TSPAN5: variants seen among roughly 807,000 people sequenced by gnomAD.
TSPAN5 encodes the protein tetraspanin 5, also known as tetraspanin-5.
Under a neutral mutation model 37.1 loss-of-function variants are expected in TSPAN5, and 10 were observed. That is an observed-to-expected ratio of 0.27 (90% CI 0.17 to 0.46). The LOEUF is 0.46. TSPAN5 is among the 20% of genes least tolerant of loss of function. The pLI, the probability that TSPAN5 is intolerant of heterozygous loss-of-function variation, is 1.00. For missense variants in TSPAN5, 195 were observed against 326.6 expected, an observed-to-expected ratio of 0.60 and a Z score of 3.11; for synonymous variants, 110 against 118.9, an observed-to-expected ratio of 0.93 and a Z score of 0.48.
chr4:98,503,934 T>C (rs1278288245), intron 2 of TSPAN5, among the ~76,000 whole-genome samples: 2 of 152,220 alleles, frequency 1.3e-5, no homozygotes, highest in Admixed American at 1.3e-4. Flanking sequence ...TCTGAACAAT[T>C]GCACATAAAT....
At chr4:98,648,888 C>T (rs183796684) in intron 1 of TSPAN5, among the ~76,000 whole-genome samples, 5 of 152,256 alleles carry the variant, frequency 3.3e-5, no homozygotes, top group Non-Finnish European at 2.9e-5. Flanking sequence ...TTCCAGGACC[C>T]CATCCTGGAT....
chr4:98,490,727 A>C (rs1382193259), intron 2 of TSPAN5, among the ~76,000 whole-genome samples: 1 of 152,182 alleles, frequency 6.6e-6, no homozygotes, highest in Non-Finnish European at 1.5e-5. Flanking sequence ...TACTTATTTA[A>C]AATTATTTTA....
At chr4:98,499,714 G>A (rs10002962) in intron 2 of TSPAN5, among the ~76,000 whole-genome samples, 2,974 of 139,250 alleles carry the variant, frequency 0.021, 94 homozygotes, top group African/African-American at 0.078. Flanking sequence ...AGGCTGGAGT[G>A]CAGTGGCGTG....
chr4:98,637,264 T>C lies in TSPAN5; in HGVS notation c.81+20882A>G, dbSNP rs1318319236. Among the ~76,000 whole-genome samples, 4 of 152,286 alleles carry C rather than the reference T, an allele frequency of 2.6e-5. No homozygotes were observed. In the South Asian group the frequency reaches 8.3e-4, roughly 32 times the overall value. On this transcript the variant is annotated intron_variant, in intron 1 of 7. Transcript: ENST00000305798. ...CAACTCCAGGGAGCATCACGCACAT[T>C]CCAGGGAATTGTGCAGTTCGCCTCC...
intron 1 of TSPAN5, among the ~76,000 whole-genome samples, chr4:98,516,867 C>A (rs1054501376): frequency 6.6e-6 from 1 of 152,152 alleles, no homozygotes; most frequent in Non-Finnish European, 1.5e-5. Context: ...CCTCTTTGCA[C>A]GTGTCTGTCT....
chr4:98,475,933 T>C (rs1752684499), intron 7 of TSPAN5, among the ~76,000 whole-genome samples: 1 of 151,948 alleles, frequency 6.6e-6, no homozygotes, highest in South Asian at 2.1e-4. Flanking sequence ...GAGCTTTCAG[T>C]GAGCCAAGAT....
chr4:98,515,529 C>G (rs1753708982), intron 1 of TSPAN5, among the ~76,000 whole-genome samples: 1 of 152,154 alleles, frequency 6.6e-6, no homozygotes, highest in Non-Finnish European at 1.5e-5. Flanking sequence ...CTCTCTCTCT[C>G]TCTCTCCCTC....
At chr4:98,503,715 AC>A (rs1753409179) in intron 2 of TSPAN5, among the ~76,000 whole-genome samples, 1 of 152,238 alleles carries the variant, frequency 6.6e-6, no homozygotes, top group South Asian at 2.1e-4. Flanking sequence ...CACCCTTCCT[AC>A]AACTGGATAA....
intron 5 of TSPAN5, among the ~76,000 whole-genome samples, chr4:98,477,198 G>A (rs886611879): frequency 6.6e-6 from 1 of 152,248 alleles, no homozygotes; most frequent in Non-Finnish European, 1.5e-5. Context: ...TGCGGCACCC[G>A]CTGGCCAGTG....
chr4:98,538,273 GC>G (rs1754281119), intron 1 of TSPAN5, among the ~76,000 whole-genome samples: 1 of 152,230 alleles, frequency 6.6e-6, no homozygotes, highest in Non-Finnish European at 1.5e-5. Flanking sequence ...TTACTTTGTG[GC>G]TGTTCTGCCT....
intron 1 of TSPAN5, among the ~76,000 whole-genome samples, chr4:98,570,774 C>T (rs540031077): frequency 2.0e-5 from 3 of 152,188 alleles, no homozygotes; most frequent in African/African-American, 2.4e-5. Flanking sequence ...ACCAGGTAAA[C>T]GCTCTCCCAT....
At chr4:98,570,571 T>C (rs2110181152) in intron 1 of TSPAN5, among the ~76,000 whole-genome samples, 1 of 152,164 alleles carries the variant, frequency 6.6e-6, no homozygotes, top group East Asian at 1.9e-4. Flanking sequence ...TGACTGCAAA[T>C]TTCAGCACTT....
intron 1 of TSPAN5, among the ~76,000 whole-genome samples, chr4:98,649,169 C>T (rs980159695): frequency 6.6e-6 from 1 of 151,998 alleles, no homozygotes; most frequent in Non-Finnish European, 1.5e-5. Flanking sequence ...GGTGGGACCC[C>T]TTTTTTCAAG....
intron 2 of TSPAN5, among the ~76,000 whole-genome samples, chr4:98,492,821 C>T (rs1282226403): frequency 6.6e-6 from 1 of 152,132 alleles, no homozygotes; most frequent in Non-Finnish European, 1.5e-5. Context: ...ATGTTACTGA[C>T]AAATAATGCA....
Position 98,648,104 on chromosome 4 carries a change from T to A in TSPAN5, c.81+10042A>T, listed in dbSNP as rs189883194. ...CTAAAGAACACTGGCAAATATCATG[T>A]CTGGGTCTTCTGTATTTGCTTTATT... On this transcript the variant is annotated intron_variant, in intron 1 of 7. Coordinates refer to ENST00000305798, the MANE Select transcript of TSPAN5 (RefSeq NM_005723.4). Among the ~76,000 whole-genome samples, 345 of 152,318 alleles carry A rather than the reference T, an allele frequency of 2.3e-3. 8 individuals carry two copies. Among genetic ancestry groups the A allele is most frequent in the Admixed American group, 0.022 (332 of 15,300 alleles).
intron 1 of TSPAN5, among the ~76,000 whole-genome samples, chr4:98,621,954 ATTACT>A (rs1756491107): frequency 1.3e-5 from 2 of 152,148 alleles, no homozygotes; most frequent in Non-Finnish European, 2.9e-5. Context: ...AGCATGTATC[ATTACT>A]TCATTCCTTT....
chr4:98,644,474 G>A (rs933690278), intron 1 of TSPAN5, among the ~76,000 whole-genome samples: 1 of 151,420 alleles, frequency 6.6e-6, no homozygotes, highest in Non-Finnish European at 1.5e-5. Flanking sequence ...CAATATTGAT[G>A]TTCCCGTATT....
intron 1 of TSPAN5, among the ~76,000 whole-genome samples, chr4:98,621,074 A>G (rs116796985): frequency 0.023 from 3,505 of 152,304 alleles, 118 homozygotes; most frequent in African/African-American, 0.074. Context: ...ATAAAAAGAC[A>G]AAATTTGGAC....
intron 7 of TSPAN5, among the ~76,000 whole-genome samples, chr4:98,475,780 G>A (rs1027814650): frequency 6.6e-6 from 1 of 152,114 alleles, no homozygotes; most frequent in Non-Finnish European, 1.5e-5. Flanking sequence ...ACGAGGTCAG[G>A]AGATCGAGAC....
Sources: gnomAD v4.1 joint callset for allele counts (sites outside exome capture counted in the v4.1 genomes callset) on GRCh38, gnomAD v4.1.1 for gene constraint, MANE v1.5 for transcripts, NCBI Gene and HGNC (gene_info 2026-07-23, HGNC 2026-07-21) for gene names.